The following ASAP1 variants were observed in gnomAD, a reference collection of about 807,000 sequenced individuals.
ASAP1 encodes the protein ArfGAP with SH3 domain, ankyrin repeat and PH domain 1.
ASAP1 carries 43 observed loss-of-function variants against 145.2 expected under a neutral mutation model. The ratio of observed to expected loss-of-function variants is 0.30; its 90% confidence interval spans 0.23 to 0.38. The LOEUF (loss-of-function observed/expected upper bound fraction) is 0.38. Ranked by LOEUF, ASAP1 falls within the 10% of genes least tolerant of loss-of-function variation. ASAP1 has a pLI of 1.00. For synonymous variants in ASAP1, 546 were observed against 515.5 expected, an observed-to-expected ratio of 1.06 and a Z score of -0.80; for missense variants, 1,018 against 1,355.3, an observed-to-expected ratio of 0.75 and a Z score of 3.91.
At chr8:130,201,204 A>G (rs1343989107) in intron 5 of ASAP1, among the ~76,000 whole-genome samples, 1 of 152,230 alleles carries the variant, frequency 6.6e-6, no homozygotes, top group Non-Finnish European at 1.5e-5. Flanking sequence ...GTTCCTTTAG[A>G]GAAGGAAAGA....
intron 3 of ASAP1, among the ~76,000 whole-genome samples, chr8:130,251,276 G>A (rs1040350593): frequency 4.6e-5 from 7 of 152,114 alleles, no homozygotes; most frequent in African/African-American, 1.2e-4. Flanking sequence ...AAATTAGCCC[G>A]ATGTGGTGAT....
At chr8:130,353,625 T>G (rs1441739528) in intron 3 of ASAP1, among the ~76,000 whole-genome samples, 1 of 152,192 alleles carries the variant, frequency 6.6e-6, no homozygotes, top group Non-Finnish European at 1.5e-5. Flanking sequence ...ATCCCAGCAC[T>G]TTGGAAGGCT....
chr8:130,233,210 C>T (rs1442872339), intron 4 of ASAP1, among the ~76,000 whole-genome samples: 3 of 152,128 alleles, frequency 2.0e-5, no homozygotes. Flanking sequence ...CAAAGTCATC[C>T]CACAGGTTAC....
intron 3 of ASAP1, among the ~76,000 whole-genome samples, chr8:130,279,180 C>T (rs560911320): frequency 3.9e-5 from 6 of 152,270 alleles, no homozygotes; most frequent in Admixed American, 6.5e-5. Flanking sequence ...CAGAAGTACA[C>T]GAATCCTACA....
intron 27 of ASAP1, among the ~76,000 whole-genome samples, chr8:130,074,334 G>T (rs1394762730): frequency 6.6e-6 from 1 of 152,100 alleles, no homozygotes; most frequent in Non-Finnish European, 1.5e-5. Context: ...TTAAGTGCTG[G>T]AATGGGTGAT....
At chr8:130,298,164 T>C (rs755562364) in intron 3 of ASAP1, among the ~76,000 whole-genome samples, 6 of 152,228 alleles carry the variant, frequency 3.9e-5, no homozygotes, top group African/African-American at 1.4e-4. Flanking sequence ...GTATGGATAC[T>C]GCACAACCAA....
At chr8:130,198,547 C>T (rs1375237621) in intron 5 of ASAP1, among the ~76,000 whole-genome samples, 2 of 152,150 alleles carry the variant, frequency 1.3e-5, no homozygotes, top group East Asian at 3.9e-4. Flanking sequence ...ATACTGTGTT[C>T]TAATCTAGGC....
At chr8:130,384,606 G>A (rs911916632) in intron 2 of ASAP1, among the ~76,000 whole-genome samples, 3 of 152,186 alleles carry the variant, frequency 2.0e-5, no homozygotes, top group African/African-American at 7.2e-5. Flanking sequence ...GGCCTCCCGA[G>A]TAGCTGGGAT....
chr8:130,443,183 G>GC (rs1287911041), intron 1 of ASAP1, among the ~76,000 whole-genome samples: 2 of 151,856 alleles, frequency 1.3e-5, no homozygotes, highest in African/African-American at 2.4e-5. Context: ...CACTGCAGGG[G>GC]CCCCCTCTCC....
At chr8:130,106,038 G>A (rs190580875) in intron 24 of ASAP1, among the ~76,000 whole-genome samples, 276 of 152,266 alleles carry the variant, frequency 1.8e-3, no homozygotes, top group Middle Eastern at 3.4e-3. Flanking sequence ...TGGCAGTCAG[G>A]TGACTTAGCT....
chr8:130,428,228 TCA>T (rs1829996927), intron 1 of ASAP1, among the ~76,000 whole-genome samples: 1 of 151,588 alleles, frequency 6.6e-6, no homozygotes, highest in South Asian at 2.1e-4. Context: ...TTACTTTGAA[TCA>T]CCTGCTCCTA....
In ASAP1 at chr8:130,359,995, G is replaced by A. The variant is rs181135908; in HGVS notation, c.60-1852C>T. 1.2e-4 allele frequency among the ~76,000 whole-genome samples: 19 copies of A among 152,352 alleles called. No individual in the cohort carries two copies. The East Asian group carries it at 3.3e-3, about 26-fold the overall frequency. ...GACTACAAGGGAGTGCCCCAAAGCAGGGATCTTGTCTTAGCCTTGGGCCTG... is the reference window on the plus strand; with the variant it reads ...GACTACAAGGGAGTGCCCCAAAGCAAGGATCTTGTCTTAGCCTTGGGCCTG... On this transcript the variant is annotated intron_variant, in intron 2 of 29. Transcript: ENST00000518721.
intron 29 of ASAP1, among the ~76,000 whole-genome samples, chr8:130,056,340 G>T (rs1211943824): frequency 6.6e-6 from 1 of 152,192 alleles, no homozygotes; most frequent in African/African-American, 2.4e-5. Flanking sequence ...GCTGACAGAG[G>T]CTGGAGGTAC....
chr8:130,251,470 A>C (rs1819195706), intron 3 of ASAP1, among the ~76,000 whole-genome samples: 2 of 152,066 alleles, frequency 1.3e-5, no homozygotes, highest in Admixed American at 1.3e-4. Context: ...AAACTGAACA[A>C]AGTTAGGCCT....
intron 3 of ASAP1, among the ~76,000 whole-genome samples, chr8:130,305,406 G>A (rs1190348224): frequency 2.6e-5 from 4 of 152,194 alleles, no homozygotes; most frequent in Admixed American, 2.0e-4. Context: ...GAGTCCAGTG[G>A]TGCGATCTCG....
chr8:130,280,550 C>A (rs1322586113), intron 3 of ASAP1, among the ~76,000 whole-genome samples: 1 of 152,212 alleles, frequency 6.6e-6, no homozygotes, highest in Admixed American at 6.5e-5. Context: ...GAGCATGATT[C>A]ATATAATTTA....
chr8:130,306,359 T>C (rs911226731), intron 3 of ASAP1, among the ~76,000 whole-genome samples: 1 of 152,238 alleles, frequency 6.6e-6, no homozygotes, highest in Non-Finnish European at 1.5e-5. Flanking sequence ...GTGACTTCTT[T>C]CCAGTCACTT....
At chr8:130,107,428 G>A (rs899157586) in intron 24 of ASAP1, among the ~76,000 whole-genome samples, 6 of 150,252 alleles carry the variant, frequency 4.0e-5, no homozygotes, top group Non-Finnish European at 5.9e-5. Flanking sequence ...CTCGTGATCC[G>A]CCCGCCTCAG....
At chr8:130,386,440 T>C (rs896608274) in intron 2 of ASAP1, among the ~76,000 whole-genome samples, 2 of 152,158 alleles carry the variant, frequency 1.3e-5, no homozygotes, top group African/African-American at 4.8e-5. Context: ...CCACACCCTG[T>C]CCTGATGAAA....
Sources: allele counts gnomAD v4.1 joint callset (sites outside exome capture counted in the v4.1 genomes callset), GRCh38; gene constraint gnomAD v4.1.1; transcripts MANE v1.5; gene names NCBI Gene and HGNC (gene_info 2026-07-23, HGNC 2026-07-21).